Variants in PDE4D observed in about 807,000 individuals in gnomAD.
PDE4D encodes the protein phosphodiesterase 4D.
In PDE4D, 24 loss-of-function variants were observed where a neutral mutation model predicts 87.4. The ratio of observed to expected loss-of-function variants is 0.27; its 90% CI spans 0.20 to 0.39. The LOEUF is 0.39. PDE4D is among the 10% of genes least tolerant of loss of function. The probability of loss-of-function intolerance (pLI) is 1.00; values close to 1 mark genes in which losing one functional copy is unlikely to be tolerated. For synonymous variants in PDE4D, 384 were observed against 383.2 expected (o/e 1.00, Z -0.02); for missense variants, 714 against 1,041.0 (o/e 0.69, Z 4.32).
intron 3 of PDE4D, among the ~76,000 whole-genome samples, chr5:59,952,472 A>G (rs752680678): frequency 1.3e-5 from 2 of 152,160 alleles, no homozygotes; most frequent in African/African-American, 4.8e-5. Context: ...CTCCTCCCAT[A>G]GCATATTATA....
chr5:59,391,099 A>G (rs986365854), intron 1 of PDE4D, among the ~76,000 whole-genome samples: 1 of 152,102 alleles, frequency 6.6e-6, no homozygotes, highest in Non-Finnish European at 1.5e-5. Context: ...AATCAGAGTT[A>G]AGGAGGTGAG....
intron 1 of PDE4D, among the ~76,000 whole-genome samples, chr5:59,678,891 T>C (rs1375694135): frequency 6.6e-6 from 1 of 152,242 alleles, no homozygotes; most frequent in Non-Finnish European, 1.5e-5. Flanking sequence ...GTTATATGCA[T>C]ATTTTGACAT....
chr5:60,181,692 G>C (rs1005487323), intron 2 of PDE4D, among the ~76,000 whole-genome samples: 1 of 152,136 alleles, frequency 6.6e-6, no homozygotes, highest in South Asian at 2.1e-4. Context: ...AAATGATTCA[G>C]TGTACTAGAA....
intron 3 of PDE4D, among the ~76,000 whole-genome samples, chr5:59,940,223 A>G (rs916823963): frequency 2.6e-5 from 4 of 152,208 alleles, no homozygotes; most frequent in Non-Finnish European, 5.9e-5. Flanking sequence ...CATCAACTCA[A>G]GCACCACAGG....
At chr5:59,962,283 CAAGTA>C (rs1282660716) in intron 3 of PDE4D, among the ~76,000 whole-genome samples, 1 of 151,976 alleles carries the variant, frequency 6.6e-6, no homozygotes, top group Middle Eastern at 3.2e-3. Context: ...GGTTGCTTGA[CAAGTA>C]AATTAATGAA....
At chr5:59,078,931 CCT>C (rs1766182428) in intron 5 of PDE4D, among the ~76,000 whole-genome samples, 2 of 152,036 alleles carry the variant, frequency 1.3e-5, no homozygotes, top group African/African-American at 4.8e-5. Context: ...GGTCCCCTTT[CCT>C]CTCTCTCTCC....
chr5:59,483,349 T>C (rs570290452), intron 1 of PDE4D, among the ~76,000 whole-genome samples: 2 of 152,254 alleles, frequency 1.3e-5, no homozygotes, highest in South Asian at 4.1e-4. Flanking sequence ...GAAATAAATT[T>C]TCAAATCTAT....
chr5:59,406,406 C>T (rs1236843826), intron 1 of PDE4D, among the ~76,000 whole-genome samples: 4 of 114,270 alleles, frequency 3.5e-5, no homozygotes, highest in African/African-American at 1.2e-4. Context: ...CCCCCCCCCC[C>T]CCCCCATAGA....
At chr5:59,551,737 T>C (rs1336801509) in intron 1 of PDE4D, among the ~76,000 whole-genome samples, 1 of 152,186 alleles carries the variant, frequency 6.6e-6, no homozygotes, top group Non-Finnish European at 1.5e-5. Context: ...AAATACTTTA[T>C]TAAAATCAAA....
Position 59,056,288 on chromosome 5 carries a change from C to CT in PDE4D, c.809-17318dup, listed in dbSNP as rs1229969156. On this transcript the variant is annotated intron_variant, in intron 5 of 14. Coordinates refer to ENST00000340635, the MANE Select transcript of PDE4D (RefSeq NM_001104631.2). ...TCTCCAAATTCTCTAAAGTGGAAGC[C>CT]TAGGGGTGAGGGTAAGAAGGAGGTA... Among the ~76,000 whole-genome samples the CT allele has an allele frequency of 3.9e-5, 6 of 152,174 alleles. No individual in the cohort carries two copies. The East Asian group carries it at 9.7e-4, about 25-fold the overall frequency.
intron 3 of PDE4D, among the ~76,000 whole-genome samples, chr5:59,924,946 C>T (rs1479295499): frequency 6.6e-6 from 1 of 151,956 alleles, no homozygotes; most frequent in Non-Finnish European, 1.5e-5. Context: ...GAGGCTGAAG[C>T]GGGCAGATCA....
intron 3 of PDE4D, among the ~76,000 whole-genome samples, chr5:59,984,062 G>C (rs914803697): frequency 1.3e-5 from 2 of 151,990 alleles, no homozygotes; most frequent in African/African-American, 4.8e-5. Context: ...TTGACTAATA[G>C]AAGCCAGACA....
At chr5:60,148,059 T>C (rs1781168497) in intron 2 of PDE4D, among the ~76,000 whole-genome samples, 1 of 152,184 alleles carries the variant, frequency 6.6e-6, no homozygotes, top group Non-Finnish European at 1.5e-5. Context: ...GGAGGCCATC[T>C]TGGAAGCTGG....
chr5:60,195,787 C>T (rs1169482585), intron 1 of PDE4D, among the ~76,000 whole-genome samples: 2 of 151,770 alleles, frequency 1.3e-5, no homozygotes, highest in Non-Finnish European at 2.9e-5. Context: ...ATGATTCATA[C>T]ACCTAATGGC....
At chr5:59,827,612 T>A (rs984604630) in intron 1 of PDE4D, among the ~76,000 whole-genome samples, 1 of 152,110 alleles carries the variant, frequency 6.6e-6, no homozygotes, top group Non-Finnish European at 1.5e-5. Context: ...CAGAAAATAC[T>A]CATCAAGAAA....
chr5:59,547,165 A>C (rs767175072), intron 1 of PDE4D, among the ~76,000 whole-genome samples: 1 of 152,220 alleles, frequency 6.6e-6, no homozygotes, highest in Admixed American at 6.5e-5. Context: ...AGATAAAATA[A>C]GGAGTAAAAA....
At chr5:60,136,784 T>A (rs1481251391) in intron 2 of PDE4D, among the ~76,000 whole-genome samples, 1 of 152,158 alleles carries the variant, frequency 6.6e-6, no homozygotes, top group East Asian at 1.9e-4. Flanking sequence ...TTAACTTGCA[T>A]CTAGACAAGT....
chr5:60,078,134 A>G lies in PDE4D; in HGVS notation c.43-89417T>C, dbSNP rs1433244230. 2.0e-5 allele frequency among the ~76,000 whole-genome samples: 3 copies of G among 152,102 alleles called. No homozygotes were observed. In the East Asian group the frequency reaches 5.8e-4, roughly 29 times the overall value. The stretch of plus-strand genomic sequence containing the variant: ...CTGATCCAGATATTCTCCAGTCCAG[A>G]GACTTACCAGCTTGCAAAATGTTTT... On this transcript the variant is annotated intron_variant, in intron 2 of 16. Coordinates refer to the PDE4D transcript ENST00000502484.
At chr5:60,263,634 C>A (rs910866478) in intron 1 of PDE4D, among the ~76,000 whole-genome samples, 2 of 152,148 alleles carry the variant, frequency 1.3e-5, no homozygotes, top group African/African-American at 4.8e-5. Flanking sequence ...GCCTTGTGAA[C>A]CCGTTTAATG....
Sources: allele counts gnomAD v4.1 joint callset (sites outside exome capture counted in the v4.1 genomes callset), GRCh38; gene constraint gnomAD v4.1.1; transcripts MANE v1.5; gene names NCBI Gene and HGNC (gene_info 2026-07-23, HGNC 2026-07-21).